The following LRMDA variants were observed in gnomAD, a reference collection of about 807,000 sequenced individuals.
LRMDA encodes leucine-rich melanocyte differentiation-associated protein.
In LRMDA, 18 loss-of-function variants were observed where a neutral mutation model predicts 29.8. The observed-to-expected ratio is 0.60, with a 90% CI of 0.42 to 0.90. LRMDA has a LOEUF of 0.90. Ranked by LOEUF, LRMDA falls within the 40% of genes least tolerant of loss-of-function variation. The pLI, the probability that LRMDA is intolerant of heterozygous loss-of-function variation, is 0.00. For missense variants in LRMDA, 273 were observed against 273.9 expected (o/e 1.00, Z 0.02); for synonymous variants, 125 against 109.4 (o/e 1.14, Z -0.89).
intron 2 of LRMDA, among the ~76,000 whole-genome samples, chr10:75,960,995 C>T (rs1846755462): frequency 2.6e-5 from 4 of 152,112 alleles, no homozygotes; most frequent in African/African-American, 9.7e-5. Flanking sequence ...ACAGATTTGT[C>T]AAATCTTTGA....
intron 5 of LRMDA, among the ~76,000 whole-genome samples, chr10:76,070,089 G>T (rs1008729204): frequency 6.6e-6 from 1 of 152,136 alleles, no homozygotes. Context: ...TCTGTTGGGG[G>T]ATTAAATGAG....
At chr10:75,898,214 C>T (rs78865547) in intron 2 of LRMDA, among the ~76,000 whole-genome samples, 2,494 of 152,176 alleles carry the variant, frequency 0.016, 63 homozygotes, top group African/African-American at 0.056. Context: ...AAGAAATTGC[C>T]TGTTGCTACT....
chr10:75,552,420 T>TC (rs1840162464), intron 2 of LRMDA: 3 of 287,192 alleles, frequency 1.0e-5, no homozygotes, highest in South Asian at 5.6e-5. Context: ...TGTGTTTTTT[T>TC]TTTTTCCCCC....
intron 2 of LRMDA, among the ~76,000 whole-genome samples, chr10:75,794,633 T>C (rs1843622076): frequency 6.6e-6 from 1 of 152,234 alleles, no homozygotes; most frequent in Non-Finnish European, 1.5e-5. Context: ...ATATTTATTC[T>C]ATTAGGTATG....
chr10:76,413,336 G>A (rs1028353978), intron 6 of LRMDA, among the ~76,000 whole-genome samples: 4 of 152,152 alleles, frequency 2.6e-5, no homozygotes, highest in South Asian at 2.1e-4. Flanking sequence ...ACCAGGTAAT[G>A]CACACAGAAA....
intron 2 of LRMDA, among the ~76,000 whole-genome samples, chr10:75,639,003 T>C (rs1841419886): frequency 6.6e-6 from 1 of 152,208 alleles, no homozygotes. Context: ...ATTTGTTTAG[T>C]AAACTCCAGC....
chr10:76,004,377 C>G (rs1157480448), intron 2 of LRMDA, among the ~76,000 whole-genome samples: 1 of 152,186 alleles, frequency 6.6e-6, no homozygotes, highest in Admixed American at 6.5e-5. Context: ...GAGCAGACTG[C>G]TTGATAAGCT....
chr10:76,103,068 T>C (rs1849422094), intron 5 of LRMDA, among the ~76,000 whole-genome samples: 1 of 152,210 alleles, frequency 6.6e-6, no homozygotes, highest in Non-Finnish European at 1.5e-5. Flanking sequence ...CCTTTGACTA[T>C]AATTTTTGTC....
Position 76,058,668 on chromosome 10 carries a change from G to T in LRMDA, c.401G>T (p.Cys134Phe), listed in dbSNP as rs751200646. Residue 134 changes from cysteine (C) to phenylalanine (F), a missense_variant and splice_region_variant, in exon 5 of 7, where the codon TGC becomes TTC. Cys to Phe is a radical substitution (Grantham distance 205). Transcript: ENST00000611255. ...TGTCTCTGACTCTTATCTTCCAGATGCTTTGTTCTGTACAAGCTGCCCAAC... is the reference window on the plus strand; with the variant it reads ...TGTCTCTGACTCTTATCTTCCAGATTCTTTGTTCTGTACAAGCTGCCCAAC... ...KDEEDYKRYR[C>F]FVLYKLPNLK... 6 of 1,612,210 alleles carry T rather than the reference G, an allele frequency of 3.7e-6. No individual in the cohort carries two copies. The highest frequency in any genetic ancestry group is 2.7e-5 in the African/African-American group (2 of 74,898).
intron 2 of LRMDA, among the ~76,000 whole-genome samples, chr10:75,575,573 A>G (rs1243733047): frequency 1.3e-5 from 2 of 152,228 alleles, no homozygotes; most frequent in Non-Finnish European, 1.5e-5. Context: ...ATTAAATCTT[A>G]AAGCTCAGGA....
At chr10:76,226,605 A>G (rs1851963252) in intron 5 of LRMDA, among the ~76,000 whole-genome samples, 2 of 152,088 alleles carry the variant, frequency 1.3e-5, no homozygotes, top group Admixed American at 6.6e-5. Context: ...AGAAAACAAA[A>G]CAAAACAAAA....
At chr10:75,436,626 C>A in intron 1 of LRMDA, among the ~76,000 whole-genome samples, 1 of 152,092 alleles carries the variant, frequency 6.6e-6, no homozygotes, top group African/African-American at 2.4e-5. Context: ...CCCCACCATG[C>A]CCGGCTAATA....
intron 6 of LRMDA, among the ~76,000 whole-genome samples, chr10:76,464,165 C>A (rs572124376): frequency 6.6e-6 from 1 of 151,972 alleles, no homozygotes; most frequent in Non-Finnish European, 1.5e-5. Flanking sequence ...GTCATCCGCC[C>A]GCCTCGGCCT....
intron 6 of LRMDA, among the ~76,000 whole-genome samples, chr10:76,405,815 C>T (rs983129351): frequency 2.6e-5 from 4 of 152,122 alleles, no homozygotes; most frequent in East Asian, 1.9e-4. Context: ...AGCCCCCGTG[C>T]GTTCCTTTTT....
chr10:75,786,452 T>G (rs1843473995), intron 2 of LRMDA, among the ~76,000 whole-genome samples: 1 of 152,232 alleles, frequency 6.6e-6, no homozygotes, highest in African/African-American at 2.4e-5. Context: ...CTGTCCAGTA[T>G]TATCCTTACC....
chr10:75,830,678 C>T (rs1480603588), intron 2 of LRMDA, among the ~76,000 whole-genome samples: 1 of 152,204 alleles, frequency 6.6e-6, no homozygotes, highest in East Asian at 1.9e-4. Flanking sequence ...CCTCCCACAA[C>T]ACATGGGAAT....
chr10:76,490,401 G>T (rs1264938655), intron 6 of LRMDA, among the ~76,000 whole-genome samples: 4 of 151,426 alleles, frequency 2.6e-5, no homozygotes. Flanking sequence ...TATTGTATTA[G>T]GGTCTCTCTC....
chr10:76,428,733 C>G (rs1589181617), intron 6 of LRMDA, among the ~76,000 whole-genome samples: 1 of 152,198 alleles, frequency 6.6e-6, no homozygotes, highest in African/African-American at 2.4e-5. Flanking sequence ...CATGGAACTT[C>G]TAGCACGTGG....
At chr10:75,929,615 C>T (rs545161074) in intron 2 of LRMDA, among the ~76,000 whole-genome samples, 1 of 152,214 alleles carries the variant, frequency 6.6e-6, no homozygotes, top group East Asian at 1.9e-4. Context: ...TATTAGGGCC[C>T]TGGTCCACAT....
Sources: gnomAD v4.1 joint callset for allele counts (sites outside exome capture counted in the v4.1 genomes callset) on GRCh38, gnomAD v4.1.1 for gene constraint, MANE v1.5 for transcripts, NCBI Gene and HGNC (gene_info 2026-07-23, HGNC 2026-07-21) for gene names.